The following TMCO5A variants were observed in gnomAD, a reference collection of about 807,000 sequenced individuals.
TMCO5A encodes transmembrane and coiled-coil domain-containing protein 5A.
In TMCO5A, 34 loss-of-function variants were observed where a neutral mutation model predicts 42.3. The observed-to-expected ratio is 0.80, with a 90% CI of 0.61 to 1.07. The LOEUF is 1.07. Among genes scored for constraint, TMCO5A ranks in the 50% least tolerant of loss-of-function variants. TMCO5A has a pLI of 0.00. For synonymous variants in TMCO5A, 131 were observed against 115.6 expected (o/e 1.13, Z -0.86); for missense variants, 357 against 327.9 (o/e 1.09, Z -0.69).
intron 9 of TMCO5A, chr15:37,942,879 A>C (rs1889798601): frequency 1.3e-5 from 2 of 153,246 alleles, no homozygotes; most frequent in Admixed American, 6.5e-5. Context: ...ATCTTAATGC[A>C]GTCAAGAAGT....
the TMCO5A span, among the ~76,000 whole-genome samples, chr15:38,016,909 C>CT: frequency 8.0e-4 from 119 of 148,130 alleles, no homozygotes; most frequent in African/African-American, 2.5e-3. Flanking sequence ...CTGACCTAGG[C>CT]TTTTTTTTTT....
downstream of TMCO5A, among the ~76,000 whole-genome samples, chr15:37,968,772 G>A (rs1168056650): frequency 1.3e-5 from 2 of 151,720 alleles, no homozygotes; most frequent in Non-Finnish European, 2.9e-5. Context: ...TAGTAGAGAC[G>A]GGGTTTCACC....
intron 6 of TMCO5A, among the ~76,000 whole-genome samples, chr15:37,940,770 G>A (rs1267671746): frequency 2.6e-5 from 4 of 152,080 alleles, no homozygotes; most frequent in Admixed American, 6.6e-5. Flanking sequence ...AAAAGGGTGA[G>A]CAAGGCATAC....
chr15:37,958,619 A>G (rs1034762685), intron 11 of TMCO5A, among the ~76,000 whole-genome samples: 1 of 152,192 alleles, frequency 6.6e-6, no homozygotes, highest in African/African-American at 2.4e-5. Context: ...TCAGGAAACA[A>G]CAGATGCTGG....
chr15:37,957,346 T>C (rs146198705), intron 11 of TMCO5A, among the ~76,000 whole-genome samples: 2,437 of 152,200 alleles, frequency 0.016, 75 homozygotes, highest in African/African-American at 0.055. Flanking sequence ...AAAACCCCAT[T>C]GTCTCAGCCC....
chr15:38,008,030 G>A, the TMCO5A span, among the ~76,000 whole-genome samples: 1 of 151,442 alleles, frequency 6.6e-6, no homozygotes, highest in Admixed American at 6.6e-5. Flanking sequence ...CGGGTTGCTG[G>A]GACTACAGGC....
chr15:38,022,461 T>TA, the TMCO5A span, among the ~76,000 whole-genome samples: 2 of 152,248 alleles, frequency 1.3e-5, no homozygotes, highest in South Asian at 4.1e-4. Flanking sequence ...ATGGAAAAGT[T>TA]AAAAAAATCT....
chr15:37,993,863 G>GCTA, the TMCO5A span, among the ~76,000 whole-genome samples: 2 of 152,102 alleles, frequency 1.3e-5, no homozygotes, highest in African/African-American at 2.4e-5. Context: ...ATGGGTAGCT[G>GCTA]CTACTCTGCT....
At chr15:38,010,567 C>A in the TMCO5A span, among the ~76,000 whole-genome samples, 1 of 151,764 alleles carries the variant, frequency 6.6e-6, no homozygotes, top group Middle Eastern at 3.2e-3. Flanking sequence ...GCAGGGGGAA[C>A]CTGCAGAGGG....
the TMCO5A span, among the ~76,000 whole-genome samples, chr15:38,021,189 T>C: frequency 6.6e-6 from 1 of 152,196 alleles, no homozygotes; most frequent in African/African-American, 2.4e-5. Flanking sequence ...TCAGCTTTGT[T>C]TTAGAAATCA....
chr15:37,980,906 A>G, the TMCO5A span, among the ~76,000 whole-genome samples: 29 of 152,312 alleles, frequency 1.9e-4, no homozygotes, highest in Non-Finnish European at 2.9e-5. Flanking sequence ...TGGTTTTAGA[A>G]TCAATTTATT....
At chr15:38,010,425 T>TCTCACTCACACA in the TMCO5A span, among the ~76,000 whole-genome samples, 2 of 117,442 alleles carry the variant, frequency 1.7e-5, no homozygotes, top group African/African-American at 6.3e-5. Flanking sequence ...CAGAGGGAGA[T>TCTCACTCACACA]CACACACACA....
chr15:38,024,807 G>C, the TMCO5A span: 1 of 152,266 alleles, frequency 6.6e-6, no homozygotes, highest in African/African-American at 2.4e-5. Context: ...GGGGCCCTGA[G>C]TTATTGAATG....
At chr15:38,035,640 C>A in the TMCO5A span, among the ~76,000 whole-genome samples, 2 of 152,180 alleles carry the variant, frequency 1.3e-5, no homozygotes, top group Admixed American at 1.3e-4. Flanking sequence ...TGCAAAGGTA[C>A]AGAATGCCTT....
At chr15:38,010,383 CAAAAAAAAAAAA>C in the TMCO5A span, among the ~76,000 whole-genome samples, 2 of 40,326 alleles carry the variant, frequency 5.0e-5, no homozygotes, top group Non-Finnish European at 8.7e-5. Context: ...ACTCCGTCTC[CAAAAAAAAAAAA>C]AAAAAAAAAA....
At chr15:38,016,356 G>A in the TMCO5A span, among the ~76,000 whole-genome samples, 2 of 152,162 alleles carry the variant, frequency 1.3e-5, no homozygotes, top group South Asian at 2.1e-4. Flanking sequence ...ATGAGCAATC[G>A]AAAACCTGTC....
chr15:38,012,409 C>T, the TMCO5A span, among the ~76,000 whole-genome samples: 1 of 152,138 alleles, frequency 6.6e-6, no homozygotes, highest in Non-Finnish European at 1.5e-5. Flanking sequence ...TTCAATTTAT[C>T]TCATCAAGCC....
the TMCO5A span, among the ~76,000 whole-genome samples, chr15:38,007,294 A>T: frequency 1.3e-5 from 2 of 152,166 alleles, no homozygotes; most frequent in African/African-American, 2.4e-5. Flanking sequence ...AATACACTAT[A>T]AGGTCCCTTG....
At chr15:37,959,243 T>G (rs1381121460) in intron 11 of TMCO5A, among the ~76,000 whole-genome samples, 1 of 152,042 alleles carries the variant, frequency 6.6e-6, no homozygotes, top group Non-Finnish European at 1.5e-5. Flanking sequence ...TCTGCACATG[T>G]ACCCCAGAAT....
Sources: gnomAD v4.1 joint callset for allele counts (sites outside exome capture counted in the v4.1 genomes callset) on GRCh38, gnomAD v4.1.1 for gene constraint, MANE v1.5 for transcripts, NCBI Gene and HGNC (gene_info 2026-07-23, HGNC 2026-07-21) for gene names.